Variants in MYO6 observed in about 807,000 individuals in gnomAD.
MYO6 encodes the protein unconventional myosin-VI.
MYO6 carries 74 observed loss-of-function variants against 178.7 expected under a neutral mutation model. That is an observed-to-expected ratio of 0.41 (90% CI 0.34 to 0.50). MYO6 has a LOEUF of 0.50. Among genes scored for constraint, MYO6 ranks in the 20% least tolerant of loss-of-function variants. The pLI, the probability that MYO6 is intolerant of heterozygous loss-of-function variation, is 0.09. For synonymous variants in MYO6, 477 were observed against 504.6 expected (o/e 0.95, Z 0.73); for missense variants, 1,330 against 1,547.4 (o/e 0.86, Z 2.36).
chr6:75,794,749 TA>T (rs11295457), intron 1 of MYO6, among the ~76,000 whole-genome samples: 39,060 of 139,164 alleles, frequency 0.28, 7,434 homozygotes, highest in African/African-American at 0.6. Flanking sequence ...ATAAAAAAAA[TA>T]AAAAAAAAAA....
intron 2 of MYO6, among the ~76,000 whole-genome samples, 168 bp from the exon 3 acceptor site, chr6:75,822,614 A>G (rs1001840522): frequency 3.3e-5 from 5 of 152,114 alleles, no homozygotes; most frequent in Non-Finnish European, 7.4e-5. Context: ...GAGTAAAGTT[A>G]TTGTTCTGTT....
intron 1 of MYO6, among the ~76,000 whole-genome samples, chr6:75,809,511 T>C (rs1770454622): frequency 6.6e-6 from 1 of 151,884 alleles, no homozygotes. Context: ...CCTGAGAAAG[T>C]GTGTGTGAGG....
chr6:75,831,312 G>C (rs1458842094), intron 5 of MYO6, among the ~76,000 whole-genome samples: 1 of 152,104 alleles, frequency 6.6e-6, no homozygotes, highest in Non-Finnish European at 1.5e-5. Context: ...CTTGTGTTTT[G>C]GCCTAACCAG....
At chr6:75,890,978 A>G (rs1778860125) in intron 26 of MYO6, among the ~76,000 whole-genome samples, 1 of 152,220 alleles carries the variant, frequency 6.6e-6, no homozygotes, top group Non-Finnish European at 1.5e-5. Context: ...CCTTACAGCC[A>G]GGCTTTGTAA....
At chr6:75,751,670 C>T (rs1416014530) in intron 1 of MYO6, among the ~76,000 whole-genome samples, 1 of 152,124 alleles carries the variant, frequency 6.6e-6, no homozygotes, top group Non-Finnish European at 1.5e-5. Flanking sequence ...TGTTCTCATC[C>T]TGTTGTGACT....
intron 11 of MYO6, among the ~76,000 whole-genome samples, chr6:75,854,488 T>C (rs1251494876): frequency 1.3e-5 from 2 of 151,964 alleles, no homozygotes; most frequent in African/African-American, 4.8e-5. Context: ...ATATGAAACA[T>C]AAATGAATTT....
chr6:75,832,880 A>G lies in MYO6; in HGVS notation c.430A>G (p.Ser144Gly). 1 of 1,614,090 alleles carries G rather than the reference A, an allele frequency of 6.2e-7. No individual in the cohort carries two copies. The highest frequency in any genetic ancestry group is 8.5e-7 in the Non-Finnish European group (1 of 1,179,936). Residue 144 changes from serine to glycine, a missense_variant, in exon 6 of 35, where the codon AGT (serine) becomes GGT (glycine). Transcript: ENST00000369977. ...TCGAGACATGAAGGTGCTCAAGATG[A>G]GTCAGTCTATCATTGTATCTGGAGA... ...AFRDMKVLKM[S>G]QSIIVSGESG...
intron 11 of MYO6, among the ~76,000 whole-genome samples, chr6:75,850,083 C>G (rs1775119109): frequency 6.6e-6 from 1 of 151,908 alleles, no homozygotes; most frequent in African/African-American, 2.4e-5. Context: ...TGCACAAATC[C>G]TGGTGTTAGG....
At chr6:75,858,839 C>T (rs1775950179) in intron 13 of MYO6, 63 bp from the exon 14 acceptor site, 1 of 934,098 alleles carries the variant, frequency 1.1e-6, no homozygotes, top group Non-Finnish European at 1.7e-6. Context: ...ACATTTTATC[C>T]TATGATAAAT....
intron 14 of MYO6, 87 bp downstream of exon 14, chr6:75,859,080 G>T (rs1775970394): frequency 3.3e-6 from 3 of 897,736 alleles, no homozygotes; most frequent in Non-Finnish European, 3.5e-6. Flanking sequence ...ACCCTGATTG[G>T]TGTGGATGGA....
rs61398235 is a variant in MYO6, at chr6:75,854,275, C to CTTTT, written c.1079-835_1079-832dup. ...CATGGGTCAAGACCTAACTGCATTGCTTTTTTTTTTTTTTTTTTTTTTTTT... is the reference window on the plus strand; with the variant it reads ...CATGGGTCAAGACCTAACTGCATTGCTTTTTTTTTTTTTTTTTTTTTTTTTTTTT... On this transcript the variant is annotated intron_variant, in intron 11 of 34. Transcript: ENST00000369977. Among the ~76,000 whole-genome samples the CTTTT allele has an allele frequency of 1.6e-3, 71 of 45,492 alleles. 1 individual carries two copies. The highest frequency in any genetic ancestry group is 2.2e-3 in the African/African-American group (20 of 9,096). The allele number at this position is 45,492 out of a possible 152,430, so 29.8% of individuals were successfully genotyped here.
chr6:75,894,857 A>G lies in MYO6; in HGVS notation c.3108-374A>G, dbSNP rs753730252. Reference sequence around the variant, plus strand: ...AACTTCTAAGTAAGAATTGTTTTCTATGTATGTCATATGTTCTGAAATATA... The same window carrying G: ...AACTTCTAAGTAAGAATTGTTTTCTGTGTATGTCATATGTTCTGAAATATA... On this transcript the variant is annotated intron_variant, in intron 28 of 34. Coordinates refer to ENST00000369977, the MANE Select transcript of MYO6 (RefSeq NM_004999.4). The G allele has an allele frequency of 7.7e-6, 11 of 1,436,200 alleles. No individual in the cohort carries two copies. The East Asian group carries it at 2.0e-4, about 26-fold the overall frequency. The allele number at this position is 1,436,200 out of a possible 1,614,324, so 89.0% of individuals were successfully genotyped here.
At chr6:75,809,167 C>T (rs1310254475) in intron 1 of MYO6, among the ~76,000 whole-genome samples, 1 of 152,204 alleles carries the variant, frequency 6.6e-6, no homozygotes, top group Non-Finnish European at 1.5e-5. Context: ...ATGTTTGTAG[C>T]TATCTTGTTT....
intron 30 of MYO6, among the ~76,000 whole-genome samples, chr6:75,902,900 C>A (rs1214004521): frequency 6.6e-6 from 1 of 151,640 alleles, no homozygotes; most frequent in Non-Finnish European, 1.5e-5. Flanking sequence ...GCGTTGAATG[C>A]GTCCCAGAGA....
rs774457195 is a variant in MYO6, at chr6:75,857,118, A to G, written c.1245A>G (p.Gln415=). ...TVIKVPLKVE[Q]ANNARDALAK... ...ATAGGGTACCTCTGAAAGTGGAGCA[A>G]GCAAACAATGCTCGTGATGCCCTGG... The change falls in exon 13 of 35, where the codon CAA becomes CAG. Residue 415 remains glutamine, a synonymous_variant. Coordinates refer to ENST00000369977, the MANE Select transcript of MYO6 (RefSeq NM_004999.4). The G allele has an allele frequency of 1.2e-5, 19 of 1,613,918 alleles. No individual in the cohort carries two copies. The highest frequency in any genetic ancestry group is 1.0e-5 in the Non-Finnish European group (12 of 1,179,942).
chr6:75,830,493 G>A lies in MYO6; in HGVS notation c.339G>A (p.Lys113=), dbSNP rs2150212972. Residue 113 remains lysine (K), a synonymous_variant, in exon 5 of 35, where the codon AAG becomes AAA. Coordinates refer to ENST00000369977, the MANE Select transcript of MYO6 (RefSeq NM_004999.4). ...IPKIYSSEAI[K]SYQGKSLGTR... The stretch of plus-strand genomic sequence containing the variant: ...AAATATATTCTTCAGAAGCAATAAA[G>A]TCATATCAAGGAAAATCTCTTGGGA... 2 of 1,612,312 alleles carry A rather than the reference G, an allele frequency of 1.2e-6. No individual in the cohort carries two copies. The highest frequency in any genetic ancestry group is 8.5e-7 in the Non-Finnish European group (1 of 1,178,602).
intron 1 of MYO6, among the ~76,000 whole-genome samples, chr6:75,808,580 C>T (rs1770341049): frequency 6.6e-6 from 1 of 152,118 alleles, no homozygotes; most frequent in Non-Finnish European, 1.5e-5. Context: ...AGGGGTATTG[C>T]AGTAGGTGGG....
At chr6:75,768,508 G>C (rs1186803048) in intron 1 of MYO6, among the ~76,000 whole-genome samples, 1 of 151,832 alleles carries the variant, frequency 6.6e-6, no homozygotes, top group African/African-American at 2.4e-5. Context: ...AGCCTCCCGA[G>C]TAGCTGGGAC....
At chr6:75,854,639 C>G (rs1328743310) in intron 11 of MYO6, among the ~76,000 whole-genome samples, 1 of 152,020 alleles carries the variant, frequency 6.6e-6, no homozygotes, top group East Asian at 1.9e-4. Context: ...TCTCTTCACT[C>G]CCTTCGACCC....
Sources: gnomAD v4.1 joint callset for allele counts (sites outside exome capture counted in the v4.1 genomes callset) on GRCh38, gnomAD v4.1.1 for gene constraint, MANE v1.5 for transcripts, NCBI Gene and HGNC (gene_info 2026-07-23, HGNC 2026-07-21) for gene names.